LARGE1: variants seen among roughly 807,000 people sequenced by gnomAD.
LARGE1 encodes the protein LARGE xylosyl- and glucuronyltransferase 1.
A neutral mutation model predicts 87.6 loss-of-function variants in LARGE1; 43 were observed. That is an observed-to-expected ratio of 0.49 (90% CI 0.38 to 0.63). LARGE1 has a LOEUF of 0.63. Among genes scored for constraint, LARGE1 ranks in the 30% least tolerant of loss-of-function variants. The probability of loss-of-function intolerance (pLI) is 0.00; values close to 1 mark genes in which losing one functional copy is unlikely to be tolerated. For missense variants in LARGE1, 802 were observed against 1,000.2 expected, an observed-to-expected ratio of 0.80 and a Z score of 2.67; for synonymous variants, 434 against 394.6, an observed-to-expected ratio of 1.10 and a Z score of -1.18.
intron 6 of LARGE1, among the ~76,000 whole-genome samples, chr22:33,451,789 C>T (rs2067940126): frequency 6.6e-6 from 1 of 152,130 alleles, no homozygotes; most frequent in Non-Finnish European, 1.5e-5. Flanking sequence ...GATCTCCTGA[C>T]CTTGTGATCC....
chr22:33,883,524 A>T (rs961471268), intron 1 of LARGE1, among the ~76,000 whole-genome samples: 3 of 152,192 alleles, frequency 2.0e-5, no homozygotes, highest in African/African-American at 7.2e-5. Context: ...ATCCTGATAA[A>T]CATGAATCAG....
chr22:33,519,532 C>A (rs928999352), intron 6 of LARGE1, among the ~76,000 whole-genome samples: 1 of 152,132 alleles, frequency 6.6e-6, no homozygotes, highest in Non-Finnish European at 1.5e-5. Context: ...CCCGAAGACA[C>A]CCAGGTTCCC....
intron 1 of LARGE1, among the ~76,000 whole-genome samples, chr22:33,873,927 T>C (rs918029014): frequency 6.6e-6 from 1 of 151,126 alleles, no homozygotes; most frequent in Non-Finnish European, 1.5e-5. Context: ...TCCTCTCACC[T>C]CCCAACCCTG....
At chr22:33,384,083 G>T in intron 8 of LARGE1, 109 bp downstream of exon 8, 1 of 841,172 alleles carries the variant, frequency 1.2e-6, no homozygotes, top group Non-Finnish European at 2.1e-6. Flanking sequence ...AGCACACAGA[G>T]TCACACAATA....
At chr22:33,605,696 G>A (rs2148984934) in intron 4 of LARGE1, among the ~76,000 whole-genome samples, 1 of 152,310 alleles carries the variant, frequency 6.6e-6, no homozygotes, top group South Asian at 2.1e-4. Context: ...AAAGCGTAAT[G>A]CCATGAATGA....
At chr22:33,462,514 G>A (rs10854632) in intron 6 of LARGE1, among the ~76,000 whole-genome samples, 3,111 of 152,308 alleles carry the variant, frequency 0.02, 97 homozygotes, top group African/African-American at 0.071. Flanking sequence ...TGGGCGTGGT[G>A]GCTCAGGCCT....
intron 2 of LARGE1, among the ~76,000 whole-genome samples, 180 bp from the exon 3 acceptor site, chr22:33,650,848 A>C (rs2149184525): frequency 6.6e-6 from 1 of 152,308 alleles, no homozygotes; most frequent in South Asian, 2.1e-4. Flanking sequence ...AACAAAGTTG[A>C]GAACAGAACA....
At chr22:33,606,369 C>A (rs1179533989) in intron 4 of LARGE1, among the ~76,000 whole-genome samples, 1 of 151,558 alleles carries the variant, frequency 6.6e-6, no homozygotes, top group Admixed American at 6.6e-5. Flanking sequence ...TGCACGACTG[C>A]ACTCCAGCCT....
chr22:33,657,919 T>C lies in LARGE1; in HGVS notation c.107-7251A>G, dbSNP rs150369773. Among the ~76,000 whole-genome samples, 857 of 151,308 alleles carry C rather than the reference T, an allele frequency of 5.7e-3. 7 individuals are homozygous for C. The highest frequency in any genetic ancestry group is 0.02 in the African/African-American group (797 of 40,856). ...GCTGTCATGAAGTGGGTATTCTCACTATTTCCATTTGACTAATGAAAAAAA... is the reference window on the plus strand; with the variant it reads ...GCTGTCATGAAGTGGGTATTCTCACCATTTCCATTTGACTAATGAAAAAAA... On this transcript the variant is annotated intron_variant, in intron 2 of 14. Coordinates refer to ENST00000397394, the MANE Select transcript of LARGE1 (RefSeq NM_133642.5).
intron 1 of LARGE1, among the ~76,000 whole-genome samples, chr22:33,829,197 C>T (rs982355623): frequency 2.6e-5 from 4 of 151,586 alleles, no homozygotes; most frequent in Non-Finnish European, 4.4e-5. Flanking sequence ...TTAATAGAGA[C>T]GGGGTTTCGC....
rs927896041 is a variant in LARGE1 at position 33,225,281 on chromosome 22, C to G, written c.1731-58449G>C. Among the ~76,000 whole-genome samples, 28 of 152,182 alleles carry G rather than the reference C, an allele frequency of 1.8e-4. 1 individual carries two copies. The highest frequency in any genetic ancestry group is 1.7e-3 in the Admixed American group (26 of 15,280). On this transcript the variant is annotated intron_variant, in intron 11 of 11. Coordinates refer to the LARGE1 transcript ENST00000608642. ...CTGGGAGCAGGACACAAGGAAGCCA[C>G]TGCCCTCTCGGCACTAGTTCTGGGT...
In LARGE1 at chr22:33,394,119, AATG is replaced by A. The variant is rs201365416; in HGVS notation, c.893-9818_893-9816del. Among the ~76,000 whole-genome samples, 1,004 of 151,278 alleles carry A rather than the reference AATG, an allele frequency of 6.6e-3. 7 individuals carry two copies. The highest frequency in any genetic ancestry group is 0.023 in the African/African-American group (953 of 41,230). On this transcript the variant is annotated intron_variant, in intron 7 of 14. Coordinates refer to ENST00000397394, the MANE Select transcript of LARGE1 (RefSeq NM_133642.5). The stretch of plus-strand genomic sequence containing the variant: ...AAAAAGAGAAGCTAAACAGGGTGAC[AATG>A]ATGATAATACCTACTATTTATCAAG...
chr22:33,482,525 TCA>T (rs2069371508), intron 6 of LARGE1, among the ~76,000 whole-genome samples: 1 of 152,032 alleles, frequency 6.6e-6, no homozygotes, highest in Non-Finnish European at 1.5e-5. Flanking sequence ...TAAAAGAGCA[TCA>T]CACACTGGGG....
intron 1 of LARGE1, among the ~76,000 whole-genome samples, chr22:33,798,849 C>G (rs941331311): frequency 6.6e-6 from 1 of 152,160 alleles, no homozygotes; most frequent in Non-Finnish European, 1.5e-5. Context: ...GAGGGCTTTC[C>G]GTGCTGCTCT....
chr22:33,751,084 G>GA (rs1569425789), intron 2 of LARGE1, among the ~76,000 whole-genome samples: 1 of 152,084 alleles, frequency 6.6e-6, no homozygotes, highest in South Asian at 2.1e-4. Flanking sequence ...ATAGTTTTTT[G>GA]AAAACTAAAA....
chr22:33,388,809 C>T (rs1189622913), intron 7 of LARGE1, among the ~76,000 whole-genome samples: 1 of 151,890 alleles, frequency 6.6e-6, no homozygotes, highest in Non-Finnish European at 1.5e-5. Flanking sequence ...TCAGGTGATC[C>T]ACCCACCTCA....
chr22:33,249,671 G>C (rs889974577), intron 11 of LARGE1, among the ~76,000 whole-genome samples: 1 of 152,088 alleles, frequency 6.6e-6, no homozygotes, highest in African/African-American at 2.4e-5. Flanking sequence ...CCATAGTTCT[G>C]GGTTTTACAT....
Position 33,254,935 on chromosome 22 carries a change from A to ATTT in LARGE1, c.1730+49291_1730+49293dup, listed in dbSNP as rs11363318. Among the ~76,000 whole-genome samples, 1,131 of 128,250 alleles carry ATTT rather than the reference A, an allele frequency of 8.8e-3. 30 individuals are homozygous for ATTT. Among genetic ancestry groups the ATTT allele is most frequent in the African/African-American group, 0.033 (1,044 of 31,662 alleles). The allele number at this position is 128,250 out of a possible 152,430, so 84.1% of individuals were successfully genotyped here. A position where few individuals can be genotyped will look rare whatever the true frequency, so the allele number is the denominator to read the frequency against. On this transcript the variant is annotated intron_variant, in intron 11 of 11. Coordinates refer to the LARGE1 transcript ENST00000608642. Reference sequence around the variant, plus strand: ...CCAGCTCTGCATGGTCTACCTGTAGATTTTTTTTTTTTTTTTTTTTGAGAC... The same window carrying ATTT: ...CCAGCTCTGCATGGTCTACCTGTAGATTTTTTTTTTTTTTTTTTTTTTTGAGAC...
At chr22:33,807,366 TAAAA>T (rs911623236) in intron 1 of LARGE1, among the ~76,000 whole-genome samples, 12 of 152,206 alleles carry the variant, frequency 7.9e-5, no homozygotes, top group Non-Finnish European at 1.5e-4. Context: ...TTTAGTTTTT[TAAAA>T]ATAGACTTTA....
Sources: allele counts gnomAD v4.1 joint callset (sites outside exome capture counted in the v4.1 genomes callset), GRCh38; gene constraint gnomAD v4.1.1; transcripts MANE v1.5; gene names NCBI Gene and HGNC (gene_info 2026-07-23, HGNC 2026-07-21).